DCAF8L2: variants seen among roughly 807,000 people sequenced by gnomAD.
The protein encoded by DCAF8L2 is DDB1 and CUL4 associated factor 8 like 2.
For missense variants in DCAF8L2, 430 were observed against 490.7 expected (o/e 0.88, Z 1.17); for synonymous variants, 200 against 190.9 (o/e 1.05, Z -0.39).
At chrX:27,540,128 G>A in the DCAF8L2 span, among the ~76,000 whole-genome samples, 5 of 111,413 alleles carry the variant, frequency 4.5e-5, no homozygotes, top group African/African-American at 1.6e-4. Context: ...CCTCTTGTCT[G>A]TTACAACTCT....
At chrX:27,630,026 G>C (rs1452486645) in intron 1 of DCAF8L2, among the ~76,000 whole-genome samples, 1 of 110,842 alleles carries the variant, frequency 9.0e-6, no homozygotes, top group African/African-American at 3.3e-5. Context: ...TCACCTCCTC[G>C]GTTAAGTTTA....
chrX:27,592,417 G>GTTT (rs1248208449), intron 1 of DCAF8L2, among the ~76,000 whole-genome samples: 32 of 83,921 alleles, frequency 3.8e-4, no homozygotes, highest in Non-Finnish European at 5.2e-4. Flanking sequence ...GTTTGTTTTT[G>GTTT]TTTTTTTTTT....
At chrX:27,669,029 T>G (rs1929847034) in intron 2 of DCAF8L2, among the ~76,000 whole-genome samples, 1 of 110,497 alleles carries the variant, frequency 9.1e-6, no homozygotes. Flanking sequence ...TGGAAAGACA[T>G]GTGCACACAG....
At chrX:27,500,216 T>A in the DCAF8L2 span, among the ~76,000 whole-genome samples, 4 of 111,579 alleles carry the variant, frequency 3.6e-5, no homozygotes, top group African/African-American at 1.3e-4. Flanking sequence ...AATAGTGTAA[T>A]CCACCAAAAA....
At chrX:27,680,142 A>G (rs1930273666) in intron 3 of DCAF8L2, among the ~76,000 whole-genome samples, 1 of 111,619 alleles carries the variant, frequency 9.0e-6, no homozygotes, top group Non-Finnish European at 1.9e-5. Context: ...TACTGCAAAA[A>G]GTCATCACTT....
chrX:27,505,636 C>G, the DCAF8L2 span, among the ~76,000 whole-genome samples: 2 of 111,232 alleles, frequency 1.8e-5, no homozygotes, highest in Admixed American at 9.7e-5. Context: ...ATCTCTTTTC[C>G]TTGAATATGG....
intron 3 of DCAF8L2, among the ~76,000 whole-genome samples, chrX:27,691,319 G>A (rs1329448476): frequency 5.4e-5 from 6 of 111,419 alleles, no homozygotes; most frequent in Non-Finnish European, 1.1e-4. Context: ...ATATAGATGA[G>A]AGATAATGCT....
the DCAF8L2 span, chrX:27,517,794 G>T: frequency 8.9e-7 from 1 of 1,119,375 alleles, no homozygotes; most frequent in African/African-American, 1.8e-5. Context: ...TCGATACACA[G>T]GTTTGTATTG....
chrX:27,702,052 G>GA (rs1931148105), intron 3 of DCAF8L2, among the ~76,000 whole-genome samples: 1 of 111,019 alleles, frequency 9.0e-6, no homozygotes, highest in African/African-American at 3.3e-5. Context: ...TTAGATACGA[G>GA]AAAATAATTT....
At chrX:27,682,312 T>C (rs1930358127) in intron 3 of DCAF8L2, among the ~76,000 whole-genome samples, 1 of 111,805 alleles carries the variant, frequency 8.9e-6, no homozygotes. Context: ...AATAGTTTTT[T>C]TAAGGTCAAA....
chrX:27,564,495 C>G, the DCAF8L2 span, among the ~76,000 whole-genome samples: 3 of 103,870 alleles, frequency 2.9e-5, no homozygotes, highest in Admixed American at 3.3e-4. Flanking sequence ...TTGAGGTGCA[C>G]GTGCTCTCTT....
At chrX:27,647,407 G>A (rs771589261) in intron 2 of DCAF8L2, among the ~76,000 whole-genome samples, 13 of 110,857 alleles carry the variant, frequency 1.2e-4, no homozygotes, top group East Asian at 2.9e-4. Flanking sequence ...GGCACTTGTC[G>A]GGGAAGAGTG....
intron 2 of DCAF8L2, among the ~76,000 whole-genome samples, chrX:27,648,840 A>G (rs775870701): frequency 9.0e-6 from 1 of 111,564 alleles, no homozygotes; most frequent in East Asian, 2.8e-4. Context: ...TTTCAAATCA[A>G]ATGATTTTAT....
chrX:27,730,015 G>A (rs1185552302), intron 4 of DCAF8L2, among the ~76,000 whole-genome samples: 2 of 111,681 alleles, frequency 1.8e-5, no homozygotes, highest in Non-Finnish European at 3.8e-5. Context: ...TAATGTTATA[G>A]GACTGGTTGT....
At chrX:27,525,409 T>C in the DCAF8L2 span, among the ~76,000 whole-genome samples, 1 of 111,843 alleles carries the variant, frequency 8.9e-6, no homozygotes, top group Non-Finnish European at 1.9e-5. Context: ...CCCTTTATTT[T>C]GAACCTATGT....
At chrX:27,487,639 T>TA in the DCAF8L2 span, among the ~76,000 whole-genome samples, 176 of 112,528 alleles carry the variant, frequency 1.6e-3, 1 homozygote, top group South Asian at 4.0e-3. Flanking sequence ...ACTTTATTGA[T>TA]ATGTAATTTA....
intron 4 of DCAF8L2, among the ~76,000 whole-genome samples, chrX:27,733,917 G>A (rs1371060731): frequency 9.0e-6 from 1 of 111,280 alleles, no homozygotes; most frequent in Admixed American, 9.6e-5. Context: ...AACATTAACA[G>A]AATAAAAGAT....
At chrX:27,736,354 G>A (rs1036609530) in intron 4 of DCAF8L2, among the ~76,000 whole-genome samples, 1 of 111,577 alleles carries the variant, frequency 9.0e-6, no homozygotes, top group African/African-American at 3.3e-5. Context: ...GCACTATTCT[G>A]ATAGCCACTT....
chrX:27,514,398 G>A, the DCAF8L2 span, among the ~76,000 whole-genome samples: 120 of 109,686 alleles, frequency 1.1e-3, 1 homozygote, highest in African/African-American at 3.9e-3. Flanking sequence ...GGCCGCGCGC[G>A]GTGGCTCACG....
Sources: allele counts gnomAD v4.1 joint callset (sites outside exome capture counted in the v4.1 genomes callset), GRCh38; gene constraint gnomAD v4.1.1; transcripts MANE v1.5; gene names NCBI Gene and HGNC (gene_info 2026-07-23, HGNC 2026-07-21).